Variants in TDRD3 observed in about 807,000 individuals in gnomAD.
TDRD3 encodes tudor domain containing 3.
TDRD3 carries 45 observed loss-of-function variants against 86.7 expected under a neutral mutation model. The observed-to-expected ratio is 0.52, with a 90% CI of 0.41 to 0.67. The LOEUF is 0.67. TDRD3 is among the 30% of genes least tolerant of loss of function. The pLI is 0.00. For missense variants in TDRD3, 814 were observed against 889.0 expected (o/e 0.92, Z 1.07); for synonymous variants, 298 against 301.7 (o/e 0.99, Z 0.13).
chr13:60,412,486 G>A (rs1009673333), intron 1 of TDRD3, among the ~76,000 whole-genome samples: 1 of 152,054 alleles, frequency 6.6e-6, no homozygotes, highest in African/African-American at 2.4e-5. Flanking sequence ...ATAATAGTAG[G>A]TAGTATGGAC....
chr13:60,471,373 T>C (rs890389799), intron 5 of TDRD3, among the ~76,000 whole-genome samples: 2 of 152,250 alleles, frequency 1.3e-5, no homozygotes, highest in Non-Finnish European at 2.9e-5. Flanking sequence ...TTCTAGGTTA[T>C]CTGTTCTGTT....
intron 12 of TDRD3, among the ~76,000 whole-genome samples, chr13:60,566,610 T>C (rs1018293073): frequency 6.6e-6 from 1 of 152,186 alleles, no homozygotes; most frequent in African/African-American, 2.4e-5. Context: ...CTTAGTGAAA[T>C]AGATGCTTTC....
chr13:60,433,576 T>C (rs1175568731), intron 1 of TDRD3, among the ~76,000 whole-genome samples: 2 of 152,228 alleles, frequency 1.3e-5, no homozygotes, highest in Non-Finnish European at 2.9e-5. Context: ...GGCACAACAC[T>C]GTATGTCAGA....
At chr13:60,423,863 G>A (rs558096594) in intron 1 of TDRD3, among the ~76,000 whole-genome samples, 39 of 152,020 alleles carry the variant, frequency 2.6e-4, no homozygotes, top group Middle Eastern at 3.4e-3. Flanking sequence ...AATTTTCAGC[G>A]AAACTAAAAA....
chr13:60,524,492 G>A (rs909258825), intron 10 of TDRD3, among the ~76,000 whole-genome samples: 36 of 146,582 alleles, frequency 2.5e-4, no homozygotes, highest in Admixed American at 2.4e-3. Context: ...GGGCCACAGA[G>A]TGAGGCTCCA....
chr13:60,436,756 G>A (rs1158664993), intron 1 of TDRD3, among the ~76,000 whole-genome samples: 1 of 152,124 alleles, frequency 6.6e-6, no homozygotes, highest in African/African-American at 2.4e-5. Flanking sequence ...GTGGATAAAG[G>A]CAAGTTTCCA....
At chr13:60,546,117 C>T (rs1413479100) in intron 12 of TDRD3, among the ~76,000 whole-genome samples, 1 of 152,086 alleles carries the variant, frequency 6.6e-6, no homozygotes, top group African/African-American at 2.4e-5. Flanking sequence ...CATTGACATA[C>T]CTGGTTGATC....
intron 10 of TDRD3, among the ~76,000 whole-genome samples, chr13:60,524,359 T>C (rs1377994815): frequency 6.6e-6 from 1 of 151,656 alleles, no homozygotes; most frequent in Non-Finnish European, 1.5e-5. Flanking sequence ...ATACAAAAAT[T>C]AGCCGGGCGT....
chr13:60,568,554 A>G (rs139259357), intron 13 of TDRD3, among the ~76,000 whole-genome samples: 58 of 152,330 alleles, frequency 3.8e-4, no homozygotes, highest in African/African-American at 1.3e-3. Context: ...CTTATAATTA[A>G]AGCAATTTTA....
rs927086249 is a variant in TDRD3, at chr13:60,453,239, A to G, written c.193-7141A>G. Among the ~76,000 whole-genome samples the G allele has an allele frequency of 4.6e-5, 7 of 152,324 alleles. No homozygotes were observed. In the South Asian group the frequency reaches 8.3e-4, roughly 18 times the overall value. ...TGGGAAGAACTTACTGAAGGGTAACATACATAAAATGGGGACTAATAGCAA... is the reference window on the plus strand; with the variant it reads ...TGGGAAGAACTTACTGAAGGGTAACGTACATAAAATGGGGACTAATAGCAA... On this transcript the variant is annotated intron_variant, in intron 3 of 13. Transcript: ENST00000377881.
chr13:60,557,316 A>G (rs1958215883), intron 12 of TDRD3, among the ~76,000 whole-genome samples: 1 of 152,034 alleles, frequency 6.6e-6, no homozygotes, highest in Admixed American at 6.6e-5. Context: ...AGCTCCCTTC[A>G]CCAGAGTTAT....
intron 7 of TDRD3, among the ~76,000 whole-genome samples, chr13:60,486,207 CT>C (rs976019602): frequency 6.6e-6 from 1 of 151,824 alleles, no homozygotes; most frequent in African/African-American, 2.4e-5. Flanking sequence ...TTTCTCCTTC[CT>C]TTTTTTTATA....
At chr13:60,400,919 A>C (rs890967290) in intron 1 of TDRD3, among the ~76,000 whole-genome samples, 1 of 152,170 alleles carries the variant, frequency 6.6e-6, no homozygotes, top group African/African-American at 2.4e-5. Context: ...TCCACCAAAA[A>C]TTAACAGAAG....
intron 8 of TDRD3, among the ~76,000 whole-genome samples, chr13:60,495,299 T>C (rs761467306): frequency 2.6e-5 from 4 of 152,230 alleles, no homozygotes; most frequent in African/African-American, 9.6e-5. Context: ...CTTAGTGTTA[T>C]GTAACTGCTC....
At chr13:60,534,053 G>A (rs1416661870) in intron 11 of TDRD3, among the ~76,000 whole-genome samples, 3 of 152,178 alleles carry the variant, frequency 2.0e-5, no homozygotes, top group Admixed American at 6.5e-5. Flanking sequence ...GCTCATGCTT[G>A]TAATCCCAAC....
intron 5 of TDRD3, among the ~76,000 whole-genome samples, chr13:60,480,658 A>G (rs1317919451): frequency 3.3e-5 from 5 of 151,970 alleles, no homozygotes; most frequent in African/African-American, 1.2e-4. Flanking sequence ...ACATAACCCC[A>G]TATTTCTTAG....
chr13:60,568,968 CCTTTT>C (rs911774335), intron 13 of TDRD3, among the ~76,000 whole-genome samples: 8 of 151,030 alleles, frequency 5.3e-5, no homozygotes, highest in African/African-American at 1.5e-4. Flanking sequence ...TTTTTTCCCC[CCTTTT>C]CTTCTTCTTT....
rs1957018733 is a variant in TDRD3 at position 60,509,828 on chromosome 13, T to A, written c.924T>A (p.Ala308=). Residue 308 remains alanine (A), a synonymous_variant, in exon 9 of 14, where the codon GCT becomes GCA. Transcript: ENST00000377881. The part of the protein sequence containing the change: ...MGFSKEASRQ[A]LMDNGNNLEA... ...TCAGTAAGGAAGCATCGAGGCAAGC[T>A]CTTATGGATAATGGCAACAACTTAG... is the stretch of plus-strand genomic sequence containing the variant. 1.9e-6 allele frequency: 3 copies of A among 1,613,730 alleles called. No individual in the cohort carries two copies. The highest frequency in any genetic ancestry group is 3.3e-5 in the Admixed American group (2 of 59,992).
chr13:60,510,005 AG>A lies in TDRD3; in HGVS notation c.1015+89del, dbSNP rs1160841758. On this transcript the variant is annotated intron_variant, in intron 9 of 13. Transcript: ENST00000377881. ...ATTGACAGAGGCTGTTATTTCTGTG[AG>A]GGCTGTAATTTTGTTTAACATTATG... 9.4e-6 allele frequency: 14 copies of A among 1,484,412 alleles called. 1 individual carries two copies. Among genetic ancestry groups the A allele is most frequent in the Admixed American group, 6.6e-5 (3 of 45,234 alleles). 92.0% of individuals were successfully genotyped at this position (1,484,412 alleles called of 1,614,324 possible).
Sources: gnomAD v4.1 joint callset for allele counts (sites outside exome capture counted in the v4.1 genomes callset) on GRCh38, gnomAD v4.1.1 for gene constraint, MANE v1.5 for transcripts, NCBI Gene and HGNC (gene_info 2026-07-23, HGNC 2026-07-21) for gene names.